Variants in KCTD20 observed in about 807,000 individuals in gnomAD.
KCTD20 encodes BTB/POZ domain-containing protein KCTD20.
In KCTD20, 30 loss-of-function variants were observed where a neutral mutation model predicts 39.6. The observed-to-expected ratio is 0.76, with a 90% CI of 0.57 to 1.03. The LOEUF is 1.03. KCTD20 is among the 50% of genes least tolerant of loss of function. KCTD20 has a pLI of 0.00. For missense variants in KCTD20, 422 were observed against 522.0 expected (o/e 0.81, Z 1.87); for synonymous variants, 162 against 180.6 (o/e 0.90, Z 0.83).
At chr6:36,464,215 A>C (rs1775677742) in intron 1 of KCTD20, among the ~76,000 whole-genome samples, 1 of 152,184 alleles carries the variant, frequency 6.6e-6, no homozygotes, top group South Asian at 2.1e-4. Flanking sequence ...TTCTGAAACT[A>C]GTCTATGAAC....
intron 1 of KCTD20, among the ~76,000 whole-genome samples, chr6:36,455,614 TGTGTG>T (rs1350080001): frequency 6.6e-6 from 1 of 152,096 alleles, no homozygotes; most frequent in African/African-American, 2.4e-5. Context: ...TGTGTGTGTG[TGTGTG>T]TTCACACACA....
chr6:36,453,972 C>T lies in KCTD20; in HGVS notation c.-47+10861C>T, dbSNP rs1023954593. 2.0e-5 allele frequency among the ~76,000 whole-genome samples: 3 copies of T among 152,060 alleles called. No individual in the cohort carries two copies. The South Asian group carries it at 6.2e-4, about 32-fold the overall frequency. On this transcript the variant is annotated intron_variant, in intron 1 of 7. Coordinates refer to ENST00000373731, the MANE Select transcript of KCTD20 (RefSeq NM_173562.5). ...TTCAGAAGTGTGTTGCTTAATTTTC[C>T]AACATTTGAGGATATTTTGTTTTTG...
chr6:36,453,255 A>C (rs1051882558), intron 1 of KCTD20, among the ~76,000 whole-genome samples: 1 of 148,248 alleles, frequency 6.7e-6, no homozygotes, highest in African/African-American at 2.5e-5. Flanking sequence ...CAAGTGATCC[A>C]CCCGCCTTGG....
chr6:36,467,359 G>C (rs1775789153), intron 1 of KCTD20, among the ~76,000 whole-genome samples: 1 of 63,176 alleles, frequency 1.6e-5, no homozygotes, highest in Non-Finnish European at 2.7e-5. Flanking sequence ...TTTTTTTTGA[G>C]ACGGAGTTTC....
intron 1 of KCTD20, chr6:36,443,808 A>G (rs1265463329): frequency 6.6e-6 from 1 of 152,222 alleles, no homozygotes; most frequent in Non-Finnish European, 1.5e-5. Flanking sequence ...AAAATTCCTC[A>G]GTTGAAGAGA....
intron 6 of KCTD20, among the ~76,000 whole-genome samples, chr6:36,482,312 G>A (rs1776274878): frequency 6.6e-6 from 1 of 152,114 alleles, no homozygotes; most frequent in African/African-American, 2.4e-5. Flanking sequence ...CCAGCACTTT[G>A]GGAGGCCGAG....
At chr6:36,473,554 C>T (rs1394956170) in intron 2 of KCTD20, among the ~76,000 whole-genome samples, 1 of 151,796 alleles carries the variant, frequency 6.6e-6, no homozygotes, top group Non-Finnish European at 1.5e-5. Context: ...GGGCGGATCA[C>T]GAGATCAGGA....
intron 6 of KCTD20, among the ~76,000 whole-genome samples, chr6:36,483,269 T>G (rs944333561): frequency 6.8e-6 from 1 of 146,772 alleles, no homozygotes; most frequent in South Asian, 2.2e-4. Flanking sequence ...TTTTCTTTTT[T>G]TTTTTTTTTT....
rs923805644 is a variant in KCTD20, at chr6:36,488,319, T to C, written c.*1144T>C. Reference sequence around the variant, plus strand: ...ATCCCCAAAGGAAGGGTGAGCTGAATGGAAATTAAGCCCAGTCATTTTATT... The same window carrying C: ...ATCCCCAAAGGAAGGGTGAGCTGAACGGAAATTAAGCCCAGTCATTTTATT... On this transcript the variant is annotated 3_prime_UTR_variant, in exon 8 of 8. Transcript: ENST00000373731. 25 of 152,188 alleles carry C rather than the reference T, an allele frequency of 1.6e-4. No individual in the cohort carries two copies. Among genetic ancestry groups the C allele is most frequent in the African/African-American group, 6.0e-4 (25 of 41,440 alleles). 9.4% of individuals were successfully genotyped at this position (152,188 alleles called of 1,614,324 possible). A position where few individuals can be genotyped will look rare whatever the true frequency, so the allele number is the denominator to read the frequency against.
intron 1 of KCTD20, among the ~76,000 whole-genome samples, chr6:36,449,003 C>A (rs1465572099): frequency 6.7e-6 from 1 of 149,676 alleles, no homozygotes; most frequent in African/African-American, 2.4e-5. Flanking sequence ...AGTGAAGCTG[C>A]AGACCTTTGC....
rs1159228674 is a variant in KCTD20 at position 36,470,146 on chromosome 6, G to A, written c.49G>A (p.Ala17Thr). The change falls in exon 2 of 8, where the codon GCC (alanine) becomes ACC (threonine). Residue 17 changes from alanine to threonine, a missense_variant. Coordinates refer to ENST00000373731, the MANE Select transcript of KCTD20 (RefSeq NM_173562.5). ...SDSDRLLRQE[A>T]SCLVDDTLAV... ...CAGTGACAGGTTATTGCGGCAGGAG[G>A]CCAGCTGCTTAGTGGATGATACTTT... 3.7e-6 allele frequency: 6 copies of A among 1,613,846 alleles called. No individual in the cohort carries two copies. The South Asian group carries it at 6.6e-5, about 18-fold the overall frequency.
intron 1 of KCTD20, among the ~76,000 whole-genome samples, chr6:36,459,095 C>G (rs567954464): frequency 6.6e-5 from 10 of 152,256 alleles, no homozygotes; most frequent in Admixed American, 5.9e-4. Flanking sequence ...CACTTGATAT[C>G]AAGGTCAAGA....
intron 6 of KCTD20, 26 bp downstream of exon 6, chr6:36,481,785 T>C (rs1417828206): frequency 2.5e-6 from 4 of 1,606,380 alleles, no homozygotes; most frequent in South Asian, 1.1e-5. Flanking sequence ...ATGGCGTAGA[T>C]GTTTTCAGCA....
At chr6:36,475,957 T>G (rs1776050398) in intron 3 of KCTD20, among the ~76,000 whole-genome samples, 1 of 152,222 alleles carries the variant, frequency 6.6e-6, no homozygotes, top group Admixed American at 6.5e-5. Flanking sequence ...GTTTTGTTGT[T>G]TGTTTCATAA....
Position 36,470,740 on chromosome 6 carries a change from A to G in KCTD20, c.160+483A>G, listed in dbSNP as rs193035154. 3.1e-3 allele frequency among the ~76,000 whole-genome samples: 468 copies of G among 152,314 alleles called. 1 individual carries two copies. The highest frequency in any genetic ancestry group is 0.011 in the African/African-American group (439 of 41,574). ...CTCAGCCTCACGAGTTGCTGGGACC[A>G]CAGGTGGGTACCACCACACCCAGCT... On this transcript the variant is annotated intron_variant, in intron 2 of 7. Coordinates refer to ENST00000373731, the MANE Select transcript of KCTD20 (RefSeq NM_173562.5).
intron 1 of KCTD20, among the ~76,000 whole-genome samples, chr6:36,449,682 C>G (rs1775178489): frequency 6.6e-6 from 1 of 152,188 alleles, no homozygotes; most frequent in Admixed American, 6.5e-5. Flanking sequence ...ACATTGTCAT[C>G]CCTCTGTTTA....
rs1776456575 is a variant in KCTD20 at position 36,487,265 on chromosome 6, A to G, written c.*90A>G. On this transcript the variant is annotated 3_prime_UTR_variant, in exon 8 of 8. Transcript: ENST00000373731. ...CCTCGTGATTTGTCTCACCTTGAGT[A>G]GGAGACATGCTTCTCCCCTAACCTT... The G allele has an allele frequency of 7.7e-7, 1 of 1,295,368 alleles. No homozygotes were observed. Among genetic ancestry groups the G allele is most frequent in the African/African-American group, 1.5e-5 (1 of 67,568 alleles). 80.2% of individuals were successfully genotyped at this position (1,295,368 alleles called of 1,614,324 possible).
At position 36,479,181 on chromosome 6, in the gene KCTD20, G is replaced by A; in HGVS notation, c.495G>A (p.Glu165=). The change falls in exon 4 of 8, where the codon GAG becomes GAA. Residue 165 remains glutamate, a synonymous_variant. Coordinates refer to ENST00000373731, the MANE Select transcript of KCTD20 (RefSeq NM_173562.5). ...GGCCCAATGAGAAGGGAGAGTATGA[G>A]ATTGCTGAAGGCATCAGTGCAACTG... ...FTRPNEKGEY[E]IAEGISATVF... is the part of the protein sequence containing the mutation. 6.2e-7 allele frequency: 1 copy of A among 1,614,096 alleles called. No homozygotes were observed. Among genetic ancestry groups the A allele is most frequent in the Non-Finnish European group, 8.5e-7 (1 of 1,179,960 alleles).
Position 36,486,919 on chromosome 6 carries a change from C to T in KCTD20, c.1004C>T (p.Pro335Leu), listed in dbSNP as rs753149883. The T allele has an allele frequency of 6.2e-7, 1 of 1,613,766 alleles. No homozygotes were observed. The highest frequency in any genetic ancestry group is 1.1e-5 in the South Asian group (1 of 91,008). The change falls in exon 8 of 8, where the codon CCT (proline) becomes CTT (leucine). Residue 335 changes from proline (P) to leucine (L), a missense_variant. Coordinates refer to ENST00000373731, the MANE Select transcript of KCTD20 (RefSeq NM_173562.5). ...TGTAAAGAAAAAATTAAGAGAAGGC[C>T]TGGCGGCCGGTCTGAAGTCATCTAT... ...PTCKEKIKRR[P>L]GGRSEVIYNY...
Sources: gnomAD v4.1 joint callset for allele counts (sites outside exome capture counted in the v4.1 genomes callset) on GRCh38, gnomAD v4.1.1 for gene constraint, MANE v1.5 for transcripts, NCBI Gene and HGNC (gene_info 2026-07-23, HGNC 2026-07-21) for gene names.